Variants in SIPA1L3 observed in about 807,000 individuals in gnomAD.
The protein encoded by SIPA1L3 is signal-induced proliferation-associated 1-like protein 3.
In SIPA1L3, 59 loss-of-function variants were observed where a neutral mutation model predicts 150.1. The observed-to-expected ratio is 0.39, with a 90% CI of 0.32 to 0.49. The LOEUF (loss-of-function observed/expected upper bound fraction) is 0.49. SIPA1L3 is among the 20% of genes least tolerant of loss of function. The pLI is 0.86. For missense variants in SIPA1L3, 2,211 were observed against 2,489.5 expected, an observed-to-expected ratio of 0.89 and a Z score of 2.38; for synonymous variants, 1,070 against 1,077.6, an observed-to-expected ratio of 0.99 and a Z score of 0.14.
At chr19:37,973,245 T>A (rs1319192969) in intron 1 of SIPA1L3, among the ~76,000 whole-genome samples, 1 of 150,794 alleles carries the variant, frequency 6.6e-6, no homozygotes, top group Non-Finnish European at 1.5e-5. Context: ...CTTTTTTTTT[T>A]TTTTTTTTTG....
intron 2 of SIPA1L3, among the ~76,000 whole-genome samples, chr19:38,063,013 C>A (rs1969484597): frequency 6.6e-6 from 1 of 152,234 alleles, no homozygotes; most frequent in Non-Finnish European, 1.5e-5. Context: ...TCCTCCCCTT[C>A]TCTTTGTGGC....
chr19:38,000,447 AACAGAGTGC>A (rs1401425177), intron 1 of SIPA1L3, among the ~76,000 whole-genome samples: 3 of 150,014 alleles, frequency 2.0e-5, no homozygotes, highest in East Asian at 3.9e-4. Flanking sequence ...CAGCCTGGGC[AACAGAGTGC>A]ACAGAGTGAG....
chr19:38,169,771 G>A (rs569124860), intron 15 of SIPA1L3, among the ~76,000 whole-genome samples: 33 of 152,370 alleles, frequency 2.2e-4, no homozygotes, highest in South Asian at 4.1e-4. Flanking sequence ...CCCCAGTCCT[G>A]CCTGACTGAC....
chr19:37,957,901 G>A lies in SIPA1L3; in HGVS notation c.-379+50543G>A, dbSNP rs1339256253. ...TAATTTTTTTTTTATTTTTGTGGAGGCAGGGTTTTGCCGTGTTGCCCAGGC... is the reference window on the plus strand; with the variant it reads ...TAATTTTTTTTTTATTTTTGTGGAGACAGGGTTTTGCCGTGTTGCCCAGGC... On this transcript the variant is annotated intron_variant, in intron 1 of 21. Transcript: ENST00000222345. Among the ~76,000 whole-genome samples, 4 of 151,702 alleles carry A rather than the reference G, an allele frequency of 2.6e-5. No homozygotes were observed. In the East Asian group the frequency reaches 5.8e-4, roughly 22 times the overall value.
chr19:38,186,273 A>T (rs1972675642), intron 16 of SIPA1L3: 1 of 152,164 alleles, frequency 6.6e-6, no homozygotes, highest in Admixed American at 6.5e-5. Context: ...AAATCGCTTC[A>T]TAGTTCCTTT....
At chr19:38,074,175 C>T (rs903160389) in intron 2 of SIPA1L3, among the ~76,000 whole-genome samples, 3 of 152,162 alleles carry the variant, frequency 2.0e-5, no homozygotes, top group African/African-American at 4.8e-5. Context: ...CCAGAGGCTG[C>T]GGGTGCCACT....
chr19:38,106,670 C>T (rs1418977297), intron 7 of SIPA1L3, 30 bp downstream of exon 7: 2 of 1,504,286 alleles, frequency 1.3e-6, no homozygotes, highest in South Asian at 2.3e-5. Flanking sequence ...GGCACGGCTG[C>T]CGGATGTTGG....
chr19:38,005,449 TTTC>T (rs1967918430), intron 1 of SIPA1L3, among the ~76,000 whole-genome samples: 1 of 151,968 alleles, frequency 6.6e-6, no homozygotes, highest in South Asian at 2.1e-4. Context: ...CCTGGGCTGC[TTTC>T]TTGGTTCTCC....
intron 1 of SIPA1L3, among the ~76,000 whole-genome samples, chr19:38,016,178 C>T (rs1568503400): frequency 6.6e-6 from 1 of 152,232 alleles, no homozygotes; most frequent in Non-Finnish European, 1.5e-5. Context: ...TGGGGTCACA[C>T]ACTCATAAAG....
intron 9 of SIPA1L3, among the ~76,000 whole-genome samples, chr19:38,121,460 G>C (rs1971015856): frequency 6.7e-6 from 1 of 150,332 alleles, no homozygotes; most frequent in Non-Finnish European, 1.5e-5. Flanking sequence ...TAAAAAATAG[G>C]CCGGGCGTGG....
At chr19:38,097,216 G>C (rs985578608) in intron 4 of SIPA1L3, among the ~76,000 whole-genome samples, 5 of 152,146 alleles carry the variant, frequency 3.3e-5, no homozygotes, top group African/African-American at 4.8e-5. Flanking sequence ...CAGGCATGGT[G>C]GCACATGCCT....
rs149728646 is a variant in SIPA1L3 at position 38,082,564 on chromosome 19, G to C, written c.999G>C (p.Pro333=). The C allele has an allele frequency of 6.2e-7, 1 of 1,604,020 alleles. No individual in the cohort carries two copies. Among genetic ancestry groups the C allele is most frequent in the South Asian group, 1.1e-5 (1 of 91,038 alleles). ...EGRSPPEASR[P]WVCQKSFAHF... Reference sequence around the variant, plus strand: ...GGAGCCCCCCGGAAGCCAGCAGGCCGTGGGTGTGTCAGAAGAGCTTCGCCC... The same window carrying C: ...GGAGCCCCCCGGAAGCCAGCAGGCCCTGGGTGTGTCAGAAGAGCTTCGCCC... The change falls in exon 3 of 22, where the codon CCG becomes CCC. Residue 333 remains proline, a synonymous_variant. Transcript: ENST00000222345.
At chr19:37,943,353 CTCT>C (rs1028515728) in intron 1 of SIPA1L3, among the ~76,000 whole-genome samples, 4 of 152,138 alleles carry the variant, frequency 2.6e-5, no homozygotes, top group African/African-American at 7.2e-5. Flanking sequence ...CGACCACGCT[CTCT>C]TCTTCTCCCT....
At chr19:38,103,276 G>A (rs555954466) in intron 6 of SIPA1L3, among the ~76,000 whole-genome samples, 1 of 152,258 alleles carries the variant, frequency 6.6e-6, no homozygotes, top group South Asian at 2.1e-4. Flanking sequence ...GTATCACATA[G>A]GACGTATTTG....
chr19:38,061,488 C>T (rs931423317), intron 2 of SIPA1L3, among the ~76,000 whole-genome samples: 2 of 152,094 alleles, frequency 1.3e-5, no homozygotes, highest in Non-Finnish European at 2.9e-5. Flanking sequence ...GCAGAAGCTG[C>T]CTGGGACACA....
chr19:38,192,870 G>T (rs1285037646), intron 17 of SIPA1L3, among the ~76,000 whole-genome samples: 1 of 152,194 alleles, frequency 6.6e-6, no homozygotes, highest in African/African-American at 2.4e-5. Context: ...GCTGGGGGAA[G>T]AGAGCACATC....
intron 14 of SIPA1L3, among the ~76,000 whole-genome samples, chr19:38,163,000 A>G (rs1366720738): frequency 6.6e-6 from 1 of 152,200 alleles, no homozygotes; most frequent in African/African-American, 2.4e-5. Context: ...CTGTGTGTCC[A>G]GGAGGAGGAG....
In SIPA1L3 at chr19:38,157,937, G is replaced by GATAAAACATTAA. The variant is rs1458281259; in HGVS notation, c.3662-4316_3662-4315insATAAAACATTAA. 1.1e-4 allele frequency among the ~76,000 whole-genome samples: 17 copies of GATAAAACATTAA among 152,298 alleles called. 1 individual carries two copies. Among genetic ancestry groups the GATAAAACATTAA allele is most frequent in the South Asian group, 2.1e-4 (1 of 4,816 alleles). On this transcript the variant is annotated intron_variant, in intron 13 of 21. Coordinates refer to ENST00000222345, the MANE Select transcript of SIPA1L3 (RefSeq NM_015073.3). ...ATGATGATAAAACATTAACAGTAAT[G>GATAAAACATTAA]CCGAGTATGAAGTGGAAACTAGGCT...
At chr19:38,142,892 C>T (rs1568573664) in intron 12 of SIPA1L3, among the ~76,000 whole-genome samples, 182 bp downstream of exon 12, 2 of 152,150 alleles carry the variant, frequency 1.3e-5, no homozygotes, top group Admixed American at 6.5e-5. Flanking sequence ...AAAACTGGGC[C>T]GGGCTGGGCA....
Sources: gnomAD v4.1 joint callset for allele counts (sites outside exome capture counted in the v4.1 genomes callset) on GRCh38, gnomAD v4.1.1 for gene constraint, MANE v1.5 for transcripts, NCBI Gene and HGNC (gene_info 2026-07-23, HGNC 2026-07-21) for gene names.